The following ATG5 variants were observed in gnomAD, a reference collection of about 807,000 sequenced individuals.
The protein encoded by ATG5 is autophagy protein 5.
In ATG5, 14 loss-of-function variants were observed where a neutral mutation model predicts 36.5. That is an observed-to-expected ratio of 0.38 (90% confidence interval 0.25 to 0.60). ATG5 has a LOEUF of 0.60. ATG5 is among the 20% of genes least tolerant of loss of function. ATG5 has a pLI of 0.60. For synonymous variants in ATG5, 95 were observed against 101.5 expected (o/e 0.94, Z 0.38); for missense variants, 195 against 326.7 (o/e 0.60, Z 3.11).
intron 4 of ATG5, among the ~76,000 whole-genome samples, chr6:106,291,875 T>C (rs1339065030): frequency 6.6e-6 from 1 of 152,230 alleles, no homozygotes; most frequent in Non-Finnish European, 1.5e-5. Context: ...ACGTGTTTAA[T>C]AACATGGTAT....
At chr6:106,279,272 G>A (rs1271296869) in intron 5 of ATG5, among the ~76,000 whole-genome samples, 1 of 152,224 alleles carries the variant, frequency 6.6e-6, no homozygotes, top group East Asian at 1.9e-4. Flanking sequence ...TGAGAAAGCA[G>A]AGGTTGGAGT....
At chr6:106,294,081 A>T (rs2114632916) in intron 3 of ATG5, among the ~76,000 whole-genome samples, 1 of 152,208 alleles carries the variant, frequency 6.6e-6, no homozygotes, top group South Asian at 2.1e-4. Flanking sequence ...GTGTCACGTC[A>T]GTGCTCAAAA....
chr6:106,242,601 T>G (rs1778172264), intron 6 of ATG5, among the ~76,000 whole-genome samples: 1 of 151,708 alleles, frequency 6.6e-6, no homozygotes, highest in Admixed American at 6.6e-5. Context: ...AAAATAATAT[T>G]AAGGAAAAAT....
chr6:106,306,916 G>A (rs548089838), intron 3 of ATG5, among the ~76,000 whole-genome samples: 1 of 152,296 alleles, frequency 6.6e-6, no homozygotes, highest in Admixed American at 6.5e-5. Flanking sequence ...TACACAAGAA[G>A]AATCAGAGGA....
intron 5 of ATG5, among the ~76,000 whole-genome samples, chr6:106,278,089 C>A (rs189631360): frequency 2.6e-5 from 4 of 151,934 alleles, no homozygotes; most frequent in African/African-American, 2.4e-5. Flanking sequence ...TCGGCACATG[C>A]GACCATGCCC....
intron 5 of ATG5, among the ~76,000 whole-genome samples, chr6:106,254,319 C>A (rs141973897): frequency 3.2e-4 from 48 of 152,254 alleles, no homozygotes; most frequent in African/African-American, 1.0e-3. Flanking sequence ...ATGCAATTTA[C>A]ATGTTTAAGT....
At chr6:106,211,268 A>C (rs920718538) in intron 6 of ATG5, among the ~76,000 whole-genome samples, 11 of 152,252 alleles carry the variant, frequency 7.2e-5, no homozygotes, top group African/African-American at 2.7e-4. Flanking sequence ...GAAACTTAAC[A>C]GATGCCCAGT....
chr6:106,190,739 T>C (rs543946078), intron 7 of ATG5, among the ~76,000 whole-genome samples: 1 of 151,706 alleles, frequency 6.6e-6, no homozygotes, highest in South Asian at 2.1e-4. Flanking sequence ...GAATTACATA[T>C]AGAAAAAAAA....
rs575110657 is a variant in ATG5, at chr6:106,248,435, A to C, written c.479-191T>G. On this transcript the variant is annotated intron_variant, in intron 5 of 7. Coordinates refer to ENST00000369076, the MANE Select transcript of ATG5 (RefSeq NM_004849.4). ...TATAAAATTAATTTTTTTCTACATT[A>C]TTGCATCCTCTCCCTAGATATTCGC... 3.9e-5 allele frequency among the ~76,000 whole-genome samples: 6 copies of C among 152,266 alleles called. No individual in the cohort carries two copies. In the South Asian group the frequency reaches 1.2e-3, roughly 32 times the overall value.
chr6:106,307,788 G>A (rs979795961), intron 3 of ATG5, among the ~76,000 whole-genome samples: 2 of 151,994 alleles, frequency 1.3e-5, no homozygotes, highest in African/African-American at 4.8e-5. Flanking sequence ...CGCCAGCCTC[G>A]GCCTCCCAAA....
chr6:106,289,773 C>T (rs1398933316), intron 4 of ATG5, among the ~76,000 whole-genome samples: 1 of 151,898 alleles, frequency 6.6e-6, no homozygotes, highest in African/African-American at 2.4e-5. Flanking sequence ...AGAACAACAA[C>T]AACAAAAAAA....
At position 106,186,190 on chromosome 6, in the gene ATG5, C is replaced by T. The variant is rs149188382; in HGVS notation, c.*350G>A. 18 of 194,288 alleles carry T rather than the reference C, an allele frequency of 9.3e-5. No homozygotes were observed. In the East Asian group the frequency reaches 1.6e-3, roughly 17 times the overall value. 12.0% of individuals were successfully genotyped at this position (194,288 alleles called of 1,614,324 possible). ...TCAACCATGGTCACCTTAGGAAATA[C>T]CCCTGTTTATTTGTTAATCAGAAAT... On this transcript the variant is annotated 3_prime_UTR_variant, in exon 8 of 8. Transcript: ENST00000369076.
chr6:106,233,492 G>C (rs557348177), intron 6 of ATG5, among the ~76,000 whole-genome samples: 2 of 152,192 alleles, frequency 1.3e-5, no homozygotes, highest in African/African-American at 4.8e-5. Flanking sequence ...ACATGTCACA[G>C]AAAAAAACAG....
chr6:106,205,762 T>C (rs1776606919), intron 6 of ATG5, among the ~76,000 whole-genome samples: 1 of 152,170 alleles, frequency 6.6e-6, no homozygotes, highest in African/African-American at 2.4e-5. Context: ...TGATGAGGTA[T>C]TTGCTTACTG....
intron 2 of ATG5, among the ~76,000 whole-genome samples, chr6:106,314,637 T>C (rs1770771179): frequency 6.6e-6 from 1 of 152,120 alleles, no homozygotes; most frequent in African/African-American, 2.4e-5. Flanking sequence ...TGGCCAAATA[T>C]ACTCTTATAC....
chr6:106,228,496 A>C (rs908697369), intron 6 of ATG5, among the ~76,000 whole-genome samples: 3 of 152,100 alleles, frequency 2.0e-5, no homozygotes, highest in Admixed American at 2.0e-4. Context: ...TAGAGCTATA[A>C]CACTCACCGC....
intron 5 of ATG5, among the ~76,000 whole-genome samples, chr6:106,256,899 A>C (rs997052800): frequency 6.6e-6 from 1 of 152,236 alleles, no homozygotes; most frequent in Admixed American, 6.5e-5. Flanking sequence ...AATTAACTTA[A>C]GCTTACTATA....
At chr6:106,323,677 G>A (rs1469291915) in intron 1 of ATG5, among the ~76,000 whole-genome samples, 1 of 152,008 alleles carries the variant, frequency 6.6e-6, no homozygotes, top group Non-Finnish European at 1.5e-5. Flanking sequence ...AAGTCACCTC[G>A]ACCTTTAACC....
intron 3 of ATG5, among the ~76,000 whole-genome samples, chr6:106,302,822 T>A (rs906091572): frequency 1.3e-5 from 2 of 151,674 alleles, no homozygotes; most frequent in African/African-American, 4.8e-5. Flanking sequence ...AAAAGAAAAT[T>A]TTAAAAATAC....
Sources: allele counts gnomAD v4.1 joint callset (sites outside exome capture counted in the v4.1 genomes callset), GRCh38; gene constraint gnomAD v4.1.1; transcripts MANE v1.5; gene names NCBI Gene and HGNC (gene_info 2026-07-23, HGNC 2026-07-21).